TBC1D22A: variants seen among roughly 807,000 people sequenced by gnomAD.
The protein encoded by TBC1D22A is putative GTPase activator.
A neutral mutation model predicts 60.2 loss-of-function variants in TBC1D22A; 38 were observed. That is an observed-to-expected ratio of 0.63 (90% CI 0.49 to 0.83). TBC1D22A has a LOEUF of 0.83. TBC1D22A is among the 40% of genes least tolerant of loss of function. The pLI is 0.00. For missense variants in TBC1D22A, 628 were observed against 701.0 expected (o/e 0.90, Z 1.18); for synonymous variants, 302 against 281.7 (o/e 1.07, Z -0.72).
At chr22:46,788,560 G>T (rs1396569079) in intron 1 of TBC1D22A, among the ~76,000 whole-genome samples, 1 of 152,096 alleles carries the variant, frequency 6.6e-6, no homozygotes. Flanking sequence ...AAAGTATCCA[G>T]CACCAGCCCC....
At chr22:47,076,302 T>C (rs1340317063) in intron 11 of TBC1D22A, among the ~76,000 whole-genome samples, 1 of 149,760 alleles carries the variant, frequency 6.7e-6, no homozygotes, top group Non-Finnish European at 1.5e-5. Flanking sequence ...TTCCAGCAAA[T>C]TGGGACTGAT....
intron 8 of TBC1D22A, among the ~76,000 whole-genome samples, chr22:46,958,261 C>G (rs753796075): frequency 1.9e-4 from 29 of 152,210 alleles, no homozygotes; most frequent in East Asian, 1.9e-4. Flanking sequence ...ATTCAGTCCT[C>G]TATTTGGTTC....
At chr22:47,172,053 G>GTGCCTACCC (rs2068495945) in intron 12 of TBC1D22A, among the ~76,000 whole-genome samples, 1 of 133,000 alleles carries the variant, frequency 7.5e-6, no homozygotes, top group Non-Finnish European at 1.6e-5. Flanking sequence ...CACTCCCAGT[G>GTGCCTACCC]AGCCTACCCA....
chr22:47,133,833 G>A (rs1248199290), intron 12 of TBC1D22A, among the ~76,000 whole-genome samples: 4 of 152,350 alleles, frequency 2.6e-5, no homozygotes, highest in African/African-American at 7.2e-5. Flanking sequence ...CTGGCAGCAC[G>A]ATCAACACGG....
At chr22:47,142,562 C>T (rs1005469832) in intron 12 of TBC1D22A, among the ~76,000 whole-genome samples, 2 of 123,910 alleles carry the variant, frequency 1.6e-5, no homozygotes, top group African/African-American at 6.6e-5. Context: ...ACCCACCCAT[C>T]TATCCACCTA....
At chr22:46,785,761 C>T (rs540101553) in intron 1 of TBC1D22A, among the ~76,000 whole-genome samples, 5 of 152,272 alleles carry the variant, frequency 3.3e-5, no homozygotes, top group Non-Finnish European at 5.9e-5. Flanking sequence ...GATTGATCTA[C>T]GTTGTAGCTT....
intron 7 of TBC1D22A, among the ~76,000 whole-genome samples, chr22:46,911,691 G>A (rs1262929516): frequency 6.6e-6 from 1 of 152,172 alleles, no homozygotes; most frequent in African/African-American, 2.4e-5. Context: ...GCTGAGGTGG[G>A]TGGATCACTT....
Position 46,912,206 on chromosome 22 carries a change from C to T in TBC1D22A, c.1015+18C>T. On this transcript the variant is annotated intron_variant, in intron 8 of 12. Transcript: ENST00000337137. ...ATACATAGGTAAGATTTCTTGCAAA[C>T]ATTAAACGTGAACTTTAGTGGACTT... The T allele has an allele frequency of 6.3e-7, 1 of 1,580,274 alleles. No individual in the cohort carries two copies. The highest frequency in any genetic ancestry group is 8.7e-7 in the Non-Finnish European group (1 of 1,151,050).
At chr22:47,158,788 C>T (rs866906518) in intron 12 of TBC1D22A, among the ~76,000 whole-genome samples, 10 of 152,112 alleles carry the variant, frequency 6.6e-5, no homozygotes, top group Admixed American at 3.9e-4. Context: ...CCTGCCTCAG[C>T]CAGAGGCACC....
chr22:46,868,489 C>G (rs773844483), intron 4 of TBC1D22A, among the ~76,000 whole-genome samples: 1 of 152,062 alleles, frequency 6.6e-6, no homozygotes, highest in African/African-American at 2.4e-5. Context: ...ACCCAGAATT[C>G]GAACACTTGG....
intron 10 of TBC1D22A, among the ~76,000 whole-genome samples, chr22:47,005,907 GACAC>G (rs774177836): frequency 2.2e-5 from 3 of 139,248 alleles, no homozygotes; most frequent in Admixed American, 2.1e-4. Context: ...TCTATACACA[GACAC>G]ACACCCATAT....
At chr22:46,815,682 C>T (rs1201520264) in intron 4 of TBC1D22A, among the ~76,000 whole-genome samples, 1 of 152,174 alleles carries the variant, frequency 6.6e-6, no homozygotes, top group Non-Finnish European at 1.5e-5. Flanking sequence ...TGGGCACTGA[C>T]GATACAAAGA....
intron 4 of TBC1D22A, among the ~76,000 whole-genome samples, chr22:46,836,641 T>C (rs2086534690): frequency 6.6e-6 from 1 of 152,070 alleles, no homozygotes; most frequent in Admixed American, 6.6e-5. Context: ...CGGTAATTAC[T>C]TTAAGTGTAA....
chr22:46,941,184 A>T (rs1376867968), intron 8 of TBC1D22A, among the ~76,000 whole-genome samples: 1 of 98,478 alleles, frequency 1.0e-5, no homozygotes, highest in Non-Finnish European at 2.0e-5. Context: ...GGGACACTAG[A>T]ATATATATAT....
chr22:46,853,958 G>A (rs900140102), intron 4 of TBC1D22A, among the ~76,000 whole-genome samples: 1 of 152,174 alleles, frequency 6.6e-6, no homozygotes, highest in Admixed American at 6.5e-5. Context: ...TGGACACTTC[G>A]TGAAAAATTT....
intron 8 of TBC1D22A, among the ~76,000 whole-genome samples, chr22:46,969,215 T>C (rs960853916): frequency 6.6e-6 from 1 of 152,226 alleles, no homozygotes; most frequent in African/African-American, 2.4e-5. Flanking sequence ...TAAACATTGT[T>C]TTTTTCTGTT....
At chr22:47,078,265 C>G (rs923718914) in intron 11 of TBC1D22A, among the ~76,000 whole-genome samples, 8 of 152,180 alleles carry the variant, frequency 5.3e-5, no homozygotes, top group Non-Finnish European at 1.2e-4. Flanking sequence ...CTTCTCTTCC[C>G]TCTGCCCTTG....
chr22:47,102,397 GC>G (rs1489281258), intron 11 of TBC1D22A, among the ~76,000 whole-genome samples: 1 of 152,148 alleles, frequency 6.6e-6, no homozygotes, highest in African/African-American at 2.4e-5. Flanking sequence ...AGGGGATGGA[GC>G]CCCCGGTCCT....
At chr22:47,060,523 C>T (rs112387762) in intron 11 of TBC1D22A, among the ~76,000 whole-genome samples, 7 of 152,034 alleles carry the variant, frequency 4.6e-5, no homozygotes, top group African/African-American at 7.2e-5. Context: ...CTCCGCTTCC[C>T]GGGTTCAAAC....
Sources: allele counts gnomAD v4.1 joint callset (sites outside exome capture counted in the v4.1 genomes callset), GRCh38; gene constraint gnomAD v4.1.1; transcripts MANE v1.5; gene names NCBI Gene and HGNC (gene_info 2026-07-23, HGNC 2026-07-21).